SCN2A: variants seen among roughly 807,000 people sequenced by gnomAD.
SCN2A encodes the protein sodium voltage-gated channel alpha subunit 2, also known as sodium channel protein type 2 subunit alpha.
A neutral mutation model predicts 188.7 loss-of-function variants in SCN2A; 20 were observed. The observed-to-expected ratio is 0.11, with a 90% CI of 0.07 to 0.15. SCN2A has a LOEUF of 0.15. Among genes scored for constraint, SCN2A ranks in the 10% least tolerant of loss-of-function variants. The pLI, the probability that SCN2A is intolerant of heterozygous loss-of-function variation, is 1.00. For synonymous variants in SCN2A, 804 were observed against 833.1 expected (o/e 0.97, Z 0.60); for missense variants, 1,278 against 2,445.0 (o/e 0.52, Z 10.07).
chr2:165,381,099 G>A lies in SCN2A; in HGVS notation c.4453G>A (p.Gly1485Ser), dbSNP rs1701578958. 1 of 1,579,794 alleles carries A rather than the reference G, an allele frequency of 6.3e-7. No homozygotes were observed. Among genetic ancestry groups the A allele is most frequent in the Non-Finnish European group, 8.6e-7 (1 of 1,160,066 alleles). ...NFNQQKKKFG[G>S]QDIFMTEEQK... ...GTTGCTTTCATTTCTTTACTTTGGA[G>A]GTCAAGACATTTTTATGACAGAAGA... is the stretch of plus-strand genomic sequence containing the variant. Residue 1485 changes from glycine to serine, a missense_variant, in exon 25 of 27, where the codon GGT becomes AGT. By Grantham distance (56) the Gly-to-Ser change is moderately conservative. Coordinates refer to ENST00000375437, the MANE Select transcript of SCN2A (RefSeq NM_001040142.2).
intron 18 of SCN2A, 129 bp downstream of exon 18, chr2:165,365,392 TCTA>T (rs1700673119): frequency 1.9e-6 from 2 of 1,046,108 alleles, no homozygotes; most frequent in African/African-American, 3.2e-5. Flanking sequence ...TATCTATCTA[TCTA>T]TCTAGTAATC....
intron 1 of SCN2A, among the ~76,000 whole-genome samples, chr2:165,278,347 TC>T (rs1332618815): frequency 6.6e-6 from 1 of 152,036 alleles, no homozygotes; most frequent in Non-Finnish European, 1.5e-5. Context: ...TGGGGAGGCG[TC>T]AGGAAACTTA....
chr2:165,294,150 T>C, intron 1 of SCN2A: 1 of 958,562 alleles, frequency 1.0e-6, no homozygotes, highest in Non-Finnish European at 1.2e-6. Context: ...TGTTTTATTA[T>C]TCTTATTATG....
intron 1 of SCN2A, among the ~76,000 whole-genome samples, chr2:165,254,521 G>C (rs1305336919): frequency 6.6e-6 from 1 of 151,502 alleles, no homozygotes; most frequent in African/African-American, 2.4e-5. Flanking sequence ...GTTGTTTCTA[G>C]ATAATATCAA....
intron 14 of SCN2A, among the ~76,000 whole-genome samples, chr2:165,335,126 A>G (rs1240460483): frequency 9.2e-5 from 14 of 151,796 alleles, no homozygotes; most frequent in Non-Finnish European, 1.8e-4. Flanking sequence ...AATAAATGAA[A>G]GCACATTTTA....
At chr2:165,331,190 A>G (rs1035315883) in intron 13 of SCN2A, 140 bp from the exon 14 acceptor site, 1 of 717,054 alleles carries the variant, frequency 1.4e-6, no homozygotes, top group Admixed American at 2.2e-5. Context: ...CCATTGTAAA[A>G]TTTTCCCTGT....
chr2:165,348,156 C>G (rs377380327), intron 16 of SCN2A, among the ~76,000 whole-genome samples: 1 of 151,902 alleles, frequency 6.6e-6, no homozygotes, highest in African/African-American at 2.4e-5. Flanking sequence ...GACAGTAGTT[C>G]GCGACCAGCC....
At chr2:165,341,267 G>A (rs4667483) in intron 14 of SCN2A, among the ~76,000 whole-genome samples, 32,686 of 151,390 alleles carry the variant, frequency 0.22, 4,044 homozygotes, top group East Asian at 0.34. Context: ...CTAATTTTTT[G>A]TATTTTTAGT....
chr2:165,315,889 G>GT, intron 11 of SCN2A, 131 bp downstream of exon 11: 1 of 1,084,794 alleles, frequency 9.2e-7, no homozygotes, highest in Non-Finnish European at 1.3e-6. Flanking sequence ...ATTATCAAGT[G>GT]TTTTGGCTAT....
rs1702134929 is a variant in SCN2A at position 165,391,852 on chromosome 2, G to A, written c.*2028G>A. The A allele has an allele frequency of 6.6e-6, 1 of 152,382 alleles. No homozygotes were observed. Among genetic ancestry groups the A allele is most frequent in the African/African-American group, 2.4e-5 (1 of 41,384 alleles). The allele number at this position is 152,382 out of a possible 1,614,324, so 9.4% of individuals were successfully genotyped here. A position where few individuals can be genotyped will look rare whatever the true frequency, so the allele number is the denominator to read the frequency against. On this transcript the variant is annotated 3_prime_UTR_variant, in exon 27 of 27. Coordinates refer to ENST00000375437, the MANE Select transcript of SCN2A (RefSeq NM_001040142.2). ...TTTTTTTCCTCTCCCACAAAACCAG[G>A]TAGTGAAGTTATATTACCAGTTACA... is the stretch of plus-strand genomic sequence containing the variant.
At chr2:165,284,165 AATTT>A (rs1009742197) in intron 1 of SCN2A, among the ~76,000 whole-genome samples, 1 of 151,076 alleles carries the variant, frequency 6.6e-6, no homozygotes, top group African/African-American at 2.4e-5. Flanking sequence ...ATTATTATTT[AATTT>A]ATTTATTTAT....
intron 6 of SCN2A, among the ~76,000 whole-genome samples, chr2:165,309,879 A>G (rs1285393971): frequency 6.6e-6 from 1 of 152,086 alleles, no homozygotes; most frequent in Non-Finnish European, 1.5e-5. Context: ...TTTAACCCAT[A>G]CTCAAGCTTG....
chr2:165,387,283 A>T (rs1053840430), intron 26 of SCN2A, among the ~76,000 whole-genome samples: 1 of 152,196 alleles, frequency 6.6e-6, no homozygotes, highest in Non-Finnish European at 1.5e-5. Context: ...GAAGACAATA[A>T]CTGCAACTTT....
intron 1 of SCN2A, among the ~76,000 whole-genome samples, chr2:165,257,787 C>A (rs989748401): frequency 4.6e-5 from 7 of 152,170 alleles, no homozygotes; most frequent in African/African-American, 1.7e-4. Context: ...ATCCACCCCC[C>A]TCGGCCTTCC....
At chr2:165,325,041 ATCT>A (rs1361630413) in intron 12 of SCN2A, among the ~76,000 whole-genome samples, 7 of 152,202 alleles carry the variant, frequency 4.6e-5, no homozygotes, top group African/African-American at 9.7e-5. Flanking sequence ...AGGTCTGGGA[ATCT>A]TCTTCCTTAA....
chr2:165,369,676 C>G (rs1339633798), intron 19 of SCN2A, among the ~76,000 whole-genome samples: 1 of 152,148 alleles, frequency 6.6e-6, no homozygotes, highest in Non-Finnish European at 1.5e-5. Context: ...CACACACACA[C>G]AGACACACAG....
At chr2:165,363,076 T>C (rs986128158) in intron 17 of SCN2A, among the ~76,000 whole-genome samples, 1 of 152,170 alleles carries the variant, frequency 6.6e-6, no homozygotes, top group African/African-American at 2.4e-5. Flanking sequence ...TTGCACATTT[T>C]AATGAAGATT....
intron 22 of SCN2A, among the ~76,000 whole-genome samples, chr2:165,376,701 T>G (rs1304650207): frequency 1.4e-5 from 2 of 139,166 alleles, no homozygotes; most frequent in Non-Finnish European, 3.0e-5. Flanking sequence ...TGAAAAGGGG[T>G]GTGTGTGTGT....
chr2:165,263,154 ATG>A, intron 1 of SCN2A, among the ~76,000 whole-genome samples: 1 of 152,080 alleles, frequency 6.6e-6, no homozygotes. Flanking sequence ...CTTTTGTCAG[ATG>A]TATAGATTGT....
Sources: gnomAD v4.1 joint callset for allele counts (sites outside exome capture counted in the v4.1 genomes callset) on GRCh38, gnomAD v4.1.1 for gene constraint, MANE v1.5 for transcripts, NCBI Gene and HGNC (gene_info 2026-07-23, HGNC 2026-07-21) for gene names.